Variants in CNTN4 observed in about 807,000 individuals in gnomAD.
CNTN4 encodes the protein contactin-4.
Under a neutral mutation model 122.5 loss-of-function variants are expected in CNTN4, and 77 were observed. That is an observed-to-expected ratio of 0.63 (90% CI 0.52 to 0.76). CNTN4 has a LOEUF of 0.76. Ranked by LOEUF, CNTN4 falls within the 30% of genes least tolerant of loss-of-function variation. The pLI, the probability that CNTN4 is intolerant of heterozygous loss-of-function variation, is 0.00. For synonymous variants in CNTN4, 512 were observed against 447.0 expected (o/e 1.15, Z -1.83); for missense variants, 1,256 against 1,259.1 (o/e 1.00, Z 0.04).
chr3:2,252,895 T>C, intron 2 of CNTN4, among the ~76,000 whole-genome samples: 1 of 152,280 alleles, frequency 6.6e-6, no homozygotes. Context: ...CGTTTTCTTA[T>C]TTAGTTATTA....
At chr3:2,309,523 G>A (rs2042839662) in intron 2 of CNTN4, among the ~76,000 whole-genome samples, 2 of 151,750 alleles carry the variant, frequency 1.3e-5, no homozygotes, top group Non-Finnish European at 2.9e-5. Context: ...ATTTCTTTTT[G>A]TTTGCGACTC....
intron 12 of CNTN4, among the ~76,000 whole-genome samples, chr3:2,919,325 C>T (rs2094403056): frequency 2.0e-5 from 3 of 146,486 alleles, no homozygotes; most frequent in Non-Finnish European, 4.5e-5. Context: ...GCACTCCAGC[C>T]TGGGTGACAG....
intron 3 of CNTN4, among the ~76,000 whole-genome samples, chr3:2,371,466 ATCTG>A (rs55885544): frequency 1 from 152,173 of 152,174 alleles, 76,086 homozygotes; most frequent in Non-Finnish European, 1. Flanking sequence ...TTATCCTTGC[ATCTG>A]TCTGTCTCAG....
intron 2 of CNTN4, among the ~76,000 whole-genome samples, chr3:2,253,216 T>G (rs969363963): frequency 2.6e-5 from 4 of 152,180 alleles, no homozygotes; most frequent in African/African-American, 7.2e-5. Flanking sequence ...TTGAAGAACG[T>G]TGTCCATTTG....
chr3:2,960,690 T>C (rs541166955), intron 13 of CNTN4, among the ~76,000 whole-genome samples: 1 of 152,304 alleles, frequency 6.6e-6, no homozygotes, highest in South Asian at 2.1e-4. Context: ...CTTTAAATTA[T>C]ACATTAAATG....
At chr3:2,352,675 G>A (rs935248111) in intron 3 of CNTN4, among the ~76,000 whole-genome samples, 5 of 152,170 alleles carry the variant, frequency 3.3e-5, no homozygotes, top group Admixed American at 2.0e-4. Flanking sequence ...GCTCCCCCAC[G>A]GTGGGCTCCG....
At chr3:2,598,608 A>T (rs904998094) in intron 4 of CNTN4, among the ~76,000 whole-genome samples, 1 of 152,206 alleles carries the variant, frequency 6.6e-6, no homozygotes, top group African/African-American at 2.4e-5. Flanking sequence ...CCTTGATTTT[A>T]TGTAGACCAC....
At chr3:2,865,275 C>T (rs1218687025) in intron 7 of CNTN4, among the ~76,000 whole-genome samples, 1 of 152,182 alleles carries the variant, frequency 6.6e-6, no homozygotes, top group Non-Finnish European at 1.5e-5. Context: ...AAGCAATGTG[C>T]ATGACCCCTC....
At chr3:2,823,283 G>A (rs932292462) in intron 7 of CNTN4, among the ~76,000 whole-genome samples, 1 of 152,298 alleles carries the variant, frequency 6.6e-6, no homozygotes, top group African/African-American at 2.4e-5. Context: ...TTATATCAGT[G>A]GGGTACTGAG....
At chr3:2,396,765 A>G (rs1187803855) in intron 3 of CNTN4, among the ~76,000 whole-genome samples, 1 of 151,772 alleles carries the variant, frequency 6.6e-6, no homozygotes, top group African/African-American at 2.4e-5. Flanking sequence ...TAAGGCTGTA[A>G]TTTGGTTCCA....
intron 2 of CNTN4, among the ~76,000 whole-genome samples, chr3:2,152,083 T>C (rs771896848): frequency 2.6e-5 from 4 of 152,192 alleles, no homozygotes; most frequent in Admixed American, 6.5e-5. Context: ...TGTAAAACAC[T>C]GAGGTCAAGG....
chr3:2,934,815 A>T (rs2094553928), intron 13 of CNTN4, among the ~76,000 whole-genome samples: 1 of 152,250 alleles, frequency 6.6e-6, no homozygotes, highest in Non-Finnish European at 1.5e-5. Flanking sequence ...ACATCAAAGC[A>T]ACAGGAGCGT....
At chr3:2,732,899 T>C (rs2088805785) in intron 4 of CNTN4, among the ~76,000 whole-genome samples, 1 of 152,218 alleles carries the variant, frequency 6.6e-6, no homozygotes, top group Non-Finnish European at 1.5e-5. Flanking sequence ...TGAAATACTA[T>C]TCCCTTTATG....
chr3:2,677,274 T>C (rs1016003146), intron 4 of CNTN4, among the ~76,000 whole-genome samples: 36 of 151,008 alleles, frequency 2.4e-4, no homozygotes, highest in African/African-American at 8.3e-4. Flanking sequence ...TATATAGATA[T>C]AGATCCTGAA....
chr3:2,874,681 G>C (rs533262284), intron 8 of CNTN4, among the ~76,000 whole-genome samples: 2 of 152,190 alleles, frequency 1.3e-5, no homozygotes, highest in Non-Finnish European at 2.9e-5. Context: ...TTGGAGCAGT[G>C]AAGTGTACAG....
intron 2 of CNTN4, among the ~76,000 whole-genome samples, chr3:2,317,175 A>G (rs1007099277): frequency 1.3e-5 from 2 of 152,230 alleles, no homozygotes; most frequent in Non-Finnish European, 2.9e-5. Context: ...GTCTGTATAA[A>G]TGCAAGGATT....
intron 2 of CNTN4, among the ~76,000 whole-genome samples, chr3:2,290,899 T>G (rs2042109185): frequency 6.6e-6 from 1 of 152,186 alleles, no homozygotes; most frequent in African/African-American, 2.4e-5. Context: ...AATGACCACG[T>G]TTTTCAAAGA....
At position 2,588,516 on chromosome 3, in the gene CNTN4, C is replaced by G. The variant is rs558025095; in HGVS notation, c.55+16958C>G. On this transcript the variant is annotated intron_variant, in intron 4 of 24. Transcript: ENST00000418658. Reference sequence around the variant, plus strand: ...AAGTAGCTGGGATTATAGGCTCTCACCACCATGCCCAACTAATTTTTTGTA... The same window carrying G: ...AAGTAGCTGGGATTATAGGCTCTCAGCACCATGCCCAACTAATTTTTTGTA... 3.9e-5 allele frequency among the ~76,000 whole-genome samples: 6 copies of G among 152,134 alleles called. No individual in the cohort carries two copies. The South Asian group carries it at 1.0e-3, about 26-fold the overall frequency.
At chr3:2,433,289 C>T (rs1463606730) in intron 3 of CNTN4, among the ~76,000 whole-genome samples, 1 of 152,204 alleles carries the variant, frequency 6.6e-6, no homozygotes. Flanking sequence ...TTTCTCCACA[C>T]CTTTGCCAAC....
Sources: gnomAD v4.1 joint callset for allele counts (sites outside exome capture counted in the v4.1 genomes callset) on GRCh38, gnomAD v4.1.1 for gene constraint, MANE v1.5 for transcripts, NCBI Gene and HGNC (gene_info 2026-07-23, HGNC 2026-07-21) for gene names.